CRACDL: variants seen among roughly 807,000 people sequenced by gnomAD.
CRACDL encodes CRACD-like protein.
A neutral mutation model predicts 70.6 loss-of-function variants in CRACDL; 26 were observed. The ratio of observed to expected loss-of-function variants is 0.37; its 90% CI spans 0.27 to 0.51. CRACDL has a LOEUF of 0.51. CRACDL is among the 20% of genes least tolerant of loss of function. The pLI is 0.94. For missense variants in CRACDL, 1,283 were observed against 1,376.9 expected (o/e 0.93, Z 1.08); for synonymous variants, 618 against 615.2 (o/e 1.00, Z -0.07).
At chr2:98,883,003 C>T (rs966978570) in intron 1 of CRACDL, among the ~76,000 whole-genome samples, 3 of 152,198 alleles carry the variant, frequency 2.0e-5, no homozygotes, top group Non-Finnish European at 4.4e-5. Context: ...ATCCCCTGCA[C>T]GTGCCCAGTG....
intron 1 of CRACDL, among the ~76,000 whole-genome samples, chr2:98,901,818 T>C (rs1365084333): frequency 6.6e-6 from 1 of 152,154 alleles, no homozygotes; most frequent in Non-Finnish European, 1.5e-5. Flanking sequence ...GACCTGGTGC[T>C]GGTGAGTATT....
chr2:98,917,070 C>G (rs1044331082), intron 1 of CRACDL, among the ~76,000 whole-genome samples: 3 of 152,216 alleles, frequency 2.0e-5, no homozygotes, highest in African/African-American at 7.2e-5. Context: ...TCCCCATGGG[C>G]CTTCTTCTCC....
At chr2:98,846,878 G>GAACACCAT in intron 1 of CRACDL, 68 bp from the exon 2 acceptor site, 1 of 1,278,826 alleles carries the variant, frequency 7.8e-7, no homozygotes, top group Non-Finnish European at 1.1e-6. Flanking sequence ...GTGAAATGGT[G>GAACACCAT]TTCGTGACTG....
intron 1 of CRACDL, among the ~76,000 whole-genome samples, chr2:98,901,834 C>T (rs1318013351): frequency 6.6e-6 from 1 of 152,140 alleles, no homozygotes; most frequent in Non-Finnish European, 1.5e-5. Flanking sequence ...GTATTAACAA[C>T]AGCTTGCTGG....
intron 7 of CRACDL, among the ~76,000 whole-genome samples, chr2:98,819,923 G>A (rs779134839): frequency 2.0e-5 from 3 of 149,284 alleles, no homozygotes; most frequent in Non-Finnish European, 3.0e-5. Context: ...GGGTTCAAGC[G>A]ATTCTCCTGG....
At chr2:98,900,201 G>A (rs1455759583) in intron 1 of CRACDL, among the ~76,000 whole-genome samples, 1 of 139,902 alleles carries the variant, frequency 7.1e-6, no homozygotes, top group African/African-American at 2.6e-5. Context: ...GGGAGGCAGG[G>A]GGACAGAGGC....
intron 1 of CRACDL, among the ~76,000 whole-genome samples, chr2:98,878,017 G>A (rs1282417306): frequency 6.6e-6 from 1 of 150,914 alleles, no homozygotes; most frequent in African/African-American, 2.4e-5. Flanking sequence ...CACGATCTTG[G>A]CTCACTGCAA....
chr2:98,911,756 C>A (rs1708552595), intron 1 of CRACDL, among the ~76,000 whole-genome samples: 1 of 152,138 alleles, frequency 6.6e-6, no homozygotes, highest in African/African-American at 2.4e-5. Flanking sequence ...AGCTGGGCCA[C>A]CCCGAGAACC....
intron 1 of CRACDL, among the ~76,000 whole-genome samples, chr2:98,871,076 A>G (rs1707328392): frequency 6.6e-6 from 1 of 152,216 alleles, no homozygotes; most frequent in Non-Finnish European, 1.5e-5. Flanking sequence ...AGCACGGTGC[A>G]CACATGTTAC....
intron 7 of CRACDL, among the ~76,000 whole-genome samples, chr2:98,800,980 C>T (rs774774161): frequency 1.3e-5 from 2 of 152,154 alleles, no homozygotes; most frequent in African/African-American, 2.4e-5. Flanking sequence ...TGCAGACCCA[C>T]GGGAGTGGGT....
chr2:98,847,920 T>C (rs6731903), intron 1 of CRACDL, among the ~76,000 whole-genome samples: 5,667 of 152,244 alleles, frequency 0.037, 183 homozygotes, highest in South Asian at 0.16. Flanking sequence ...CTCTAATATT[T>C]CGATTTCTTC....
chr2:98,824,387 C>T (rs1263182228), intron 6 of CRACDL, among the ~76,000 whole-genome samples: 2 of 151,562 alleles, frequency 1.3e-5, no homozygotes, highest in African/African-American at 4.9e-5. Context: ...CTTCTCTGGC[C>T]TCCTGAAGCC....
chr2:98,818,518 C>T lies in CRACDL; in HGVS notation c.2416+3339G>A, dbSNP rs1028994232. 5.3e-5 allele frequency among the ~76,000 whole-genome samples: 8 copies of T among 152,214 alleles called. No homozygotes were observed. The South Asian group carries it at 8.3e-4, about 16-fold the overall frequency. On this transcript the variant is annotated intron_variant, in intron 7 of 9. Transcript: ENST00000397899. ...TACTGTACATGCCCTGGAGGGAGGA[C>T]GGGGGAGGTGGCAGACTATCTGGGA...
chr2:98,865,799 T>A (rs1226437620), intron 1 of CRACDL, among the ~76,000 whole-genome samples: 2 of 120,206 alleles, frequency 1.7e-5, no homozygotes, highest in African/African-American at 3.2e-5. Context: ...GACTTTCTGC[T>A]TTTTTTTTTT....
intron 1 of CRACDL, among the ~76,000 whole-genome samples, chr2:98,874,490 C>T (rs527347371): frequency 1.1e-4 from 17 of 152,308 alleles, no homozygotes; most frequent in East Asian, 1.9e-4. Context: ...CCTTGCGCCT[C>T]GTGGGGCCAG....
chr2:98,904,406 C>T (rs144788998), intron 1 of CRACDL, among the ~76,000 whole-genome samples: 2,816 of 152,270 alleles, frequency 0.018, 94 homozygotes, highest in African/African-American at 0.064. Context: ...CCGGCCTTGC[C>T]GTTTGAAGAC....
chr2:98,898,372 A>G (rs1197946573), intron 1 of CRACDL, among the ~76,000 whole-genome samples: 1 of 152,276 alleles, frequency 6.6e-6, no homozygotes, highest in Non-Finnish European at 1.5e-5. Flanking sequence ...GCATCAAAGC[A>G]TGGTGTCATG....
chr2:98,812,253 GCGTGAGCCAC>G (rs1236572177), intron 7 of CRACDL, among the ~76,000 whole-genome samples: 1 of 152,224 alleles, frequency 6.6e-6, no homozygotes, highest in Non-Finnish European at 1.5e-5. Context: ...GGGATTACAG[GCGTGAGCCAC>G]CGCACCTGGC....
At chr2:98,909,727 C>T (rs1224391368) in intron 1 of CRACDL, among the ~76,000 whole-genome samples, 1 of 152,188 alleles carries the variant, frequency 6.6e-6, no homozygotes, top group African/African-American at 2.4e-5. Flanking sequence ...GTTAGCACAC[C>T]TCAAGCCACC....
Sources: gnomAD v4.1 joint callset for allele counts (sites outside exome capture counted in the v4.1 genomes callset) on GRCh38, gnomAD v4.1.1 for gene constraint, MANE v1.5 for transcripts, NCBI Gene and HGNC (gene_info 2026-07-23, HGNC 2026-07-21) for gene names.